TENM2: variants seen among roughly 807,000 people sequenced by gnomAD.
The protein encoded by TENM2 is teneurin transmembrane protein 2.
In TENM2, 52 loss-of-function variants were observed where a neutral mutation model predicts 245.2. That is an observed-to-expected ratio of 0.21 (90% CI 0.17 to 0.27). The LOEUF is 0.27. Among genes scored for constraint, TENM2 ranks in the 10% least tolerant of loss-of-function variants. The probability of loss-of-function intolerance (pLI) is 1.00; values close to 1 mark genes in which losing one functional copy is unlikely to be tolerated. For synonymous variants in TENM2, 1,363 were observed against 1,438.9 expected (o/e 0.95, Z 1.19); for missense variants, 3,046 against 3,666.8 (o/e 0.83, Z 4.37).
intron 9 of TENM2, among the ~76,000 whole-genome samples, chr5:168,099,762 T>A (rs955010686): frequency 2.0e-5 from 3 of 152,188 alleles, no homozygotes; most frequent in African/African-American, 7.2e-5. Context: ...GGCTTACGAA[T>A]GCTGATAAGT....
intron 25 of TENM2, among the ~76,000 whole-genome samples, chr5:168,242,956 C>CA (rs113157242): frequency 0.083 from 11,265 of 136,072 alleles, 492 homozygotes; most frequent in African/African-American, 0.12. Flanking sequence ...GACTCTATCT[C>CA]AAAAAAAAAA....
At chr5:167,051,865 A>G in the TENM2 span, among the ~76,000 whole-genome samples, 15 of 152,322 alleles carry the variant, frequency 9.8e-5, no homozygotes, top group African/African-American at 3.6e-4. Flanking sequence ...TGTCCCTTTC[A>G]TATTGCAGAT....
intron 25 of TENM2, among the ~76,000 whole-genome samples, chr5:168,230,608 T>C (rs2152630488): frequency 6.6e-6 from 1 of 152,216 alleles, no homozygotes; most frequent in Admixed American, 6.5e-5. Context: ...GTCTCACCAT[T>C]GGCAAGATGG....
the TENM2 span, among the ~76,000 whole-genome samples, chr5:167,070,585 T>C: frequency 6.6e-6 from 1 of 152,142 alleles, no homozygotes; most frequent in Non-Finnish European, 1.5e-5. Context: ...GTGAATAATC[T>C]ATATAATCTT....
chr5:168,068,132 C>T (rs549561196), intron 7 of TENM2, among the ~76,000 whole-genome samples: 1 of 152,154 alleles, frequency 6.6e-6, no homozygotes, highest in Non-Finnish European at 1.5e-5. Context: ...CAGTGGGCAC[C>T]CTCCTGGACA....
At chr5:167,112,983 A>G in the TENM2 span, among the ~76,000 whole-genome samples, 1 of 152,208 alleles carries the variant, frequency 6.6e-6, no homozygotes, top group African/African-American at 2.4e-5. Flanking sequence ...TCTTTGGAAA[A>G]CAGTGTCTAT....
intron 3 of TENM2, among the ~76,000 whole-genome samples, chr5:167,928,439 G>A (rs776855375): frequency 6.6e-6 from 1 of 152,212 alleles, no homozygotes; most frequent in Non-Finnish European, 1.5e-5. Flanking sequence ...TGATAGAGCT[G>A]TGGGAGAGAG....
At chr5:167,602,590 A>G (rs776906223) in intron 2 of TENM2, among the ~76,000 whole-genome samples, 5 of 152,216 alleles carry the variant, frequency 3.3e-5, no homozygotes, top group African/African-American at 4.8e-5. Context: ...GACTTGCTCA[A>G]GTCCATTGAA....
chr5:168,165,688 A>G (rs986140398), intron 13 of TENM2, among the ~76,000 whole-genome samples: 6 of 128,978 alleles, frequency 4.7e-5, no homozygotes, highest in Admixed American at 3.8e-4. Context: ...AAAGCAGTCC[A>G]AAGGCAGGGC....
chr5:167,966,088 G>A (rs1781367311), intron 4 of TENM2, among the ~76,000 whole-genome samples: 1 of 152,204 alleles, frequency 6.6e-6, no homozygotes, highest in Admixed American at 6.5e-5. Context: ...AGCCAGGCCA[G>A]ATGCAAGAGA....
At chr5:168,032,477 A>G (rs1041663793) in intron 5 of TENM2, among the ~76,000 whole-genome samples, 3 of 152,170 alleles carry the variant, frequency 2.0e-5, no homozygotes, top group Non-Finnish European at 4.4e-5. Flanking sequence ...CAAGTAGGGC[A>G]GGGGAGGAGG....
At chr5:168,248,440 G>A (rs2152693474) in intron 27 of TENM2, 69 bp downstream of exon 29, 1 of 1,476,546 alleles carries the variant, frequency 6.8e-7, no homozygotes. Context: ...GGGAACTTGG[G>A]AGGAAGGTCT....
At chr5:167,029,464 C>G in the TENM2 span, among the ~76,000 whole-genome samples, 1 of 152,204 alleles carries the variant, frequency 6.6e-6, no homozygotes, top group Non-Finnish European at 1.5e-5. Context: ...GGAAGGGCAG[C>G]AGCTCAGCAT....
intron 2 of TENM2, among the ~76,000 whole-genome samples, chr5:167,467,886 G>A (rs1378843313): frequency 1.3e-5 from 2 of 152,088 alleles, no homozygotes; most frequent in Non-Finnish European, 2.9e-5. Flanking sequence ...ATGTTCGCTA[G>A]CACCTTGATC....
chr5:168,072,846 C>T (rs1410676259), intron 7 of TENM2, among the ~76,000 whole-genome samples: 1 of 152,140 alleles, frequency 6.6e-6, no homozygotes, highest in African/African-American at 2.4e-5. Flanking sequence ...GGTAGCCTAG[C>T]AACAAGGCGG....
chr5:167,268,282 G>A, the TENM2 span, among the ~76,000 whole-genome samples: 4 of 152,070 alleles, frequency 2.6e-5, no homozygotes, highest in Non-Finnish European at 4.4e-5. Context: ...AACTAAACAC[G>A]TATTATACAG....
the TENM2 span, among the ~76,000 whole-genome samples, chr5:167,273,579 T>C: frequency 1.3e-5 from 2 of 152,134 alleles, no homozygotes; most frequent in African/African-American, 4.8e-5. Flanking sequence ...CTTATTACTT[T>C]AGAATTGTCT....
intron 2 of TENM2, among the ~76,000 whole-genome samples, chr5:167,517,850 G>A (rs1443536494): frequency 6.6e-6 from 1 of 152,020 alleles, no homozygotes; most frequent in Non-Finnish European, 1.5e-5. Flanking sequence ...GTGATGAGGG[G>A]GGTTGATGGA....
chr5:167,545,722 C>T (rs1772520180), intron 2 of TENM2, among the ~76,000 whole-genome samples: 1 of 152,126 alleles, frequency 6.6e-6, no homozygotes, highest in Non-Finnish European at 1.5e-5. Context: ...TTACAAAGCC[C>T]TATTTAAATA....
Sources: gnomAD v4.1 joint callset for allele counts (sites outside exome capture counted in the v4.1 genomes callset) on GRCh38, gnomAD v4.1.1 for gene constraint, MANE v1.5 for transcripts, NCBI Gene and HGNC (gene_info 2026-07-23, HGNC 2026-07-21) for gene names.